Variants in SPECC1 observed in about 807,000 individuals in gnomAD.
SPECC1 encodes the protein cytospin-B.
A neutral mutation model predicts 104.1 loss-of-function variants in SPECC1; 62 were observed. The ratio of observed to expected loss-of-function variants is 0.60; its 90% CI spans 0.49 to 0.74. The LOEUF (loss-of-function observed/expected upper bound fraction) is 0.74. SPECC1 is among the 30% of genes least tolerant of loss of function. SPECC1 has a pLI of 0.00. For synonymous variants in SPECC1, 513 were observed against 501.6 expected (o/e 1.02, Z -0.30); for missense variants, 1,306 against 1,310.5 (o/e 1.00, Z 0.05).
At chr17:20,051,918 G>T (rs752608620) in intron 1 of SPECC1, among the ~76,000 whole-genome samples, 1 of 152,124 alleles carries the variant, frequency 6.6e-6, no homozygotes, top group Admixed American at 6.6e-5. Context: ...CTACATGCAG[G>T]TTGTGTGGCC....
intron 1 of SPECC1, among the ~76,000 whole-genome samples, chr17:20,078,106 AT>A (rs2046832180): frequency 6.6e-6 from 1 of 151,120 alleles, no homozygotes; most frequent in Non-Finnish European, 1.5e-5. Flanking sequence ...AGACATATGT[AT>A]TTTTATAGAG....
chr17:20,039,125 G>A (rs1236076741), intron 1 of SPECC1, among the ~76,000 whole-genome samples: 2 of 152,172 alleles, frequency 1.3e-5, no homozygotes, highest in Non-Finnish European at 2.9e-5. Context: ...CTCTTCCACT[G>A]TCCATCCAAG....
At chr17:20,096,198 C>G (rs886952199) in intron 1 of SPECC1, among the ~76,000 whole-genome samples, 2 of 152,208 alleles carry the variant, frequency 1.3e-5, no homozygotes, top group Non-Finnish European at 2.9e-5. Context: ...TGAATTCTTT[C>G]AAGTAATTCA....
At chr17:20,266,050 T>C (rs2040204812) in intron 12 of SPECC1, among the ~76,000 whole-genome samples, 2 of 152,238 alleles carry the variant, frequency 1.3e-5, no homozygotes, top group Non-Finnish European at 2.9e-5. Context: ...TTGCTTTGGC[T>C]ATTCAGACTC....
At chr17:20,214,713 G>T (rs373314618) in intron 4 of SPECC1, among the ~76,000 whole-genome samples, 1 of 152,216 alleles carries the variant, frequency 6.6e-6, no homozygotes, top group African/African-American at 2.4e-5. Flanking sequence ...TCACCATGTT[G>T]GCCAGGCTGG....
intron 3 of SPECC1, among the ~76,000 whole-genome samples, chr17:20,148,589 C>T (rs1189183596): frequency 1.3e-5 from 2 of 149,160 alleles, no homozygotes; most frequent in Non-Finnish European, 3.0e-5. Flanking sequence ...ATATAAAGGA[C>T]ATCATAATCT....
rs1182654681 is a variant in SPECC1, at chr17:20,253,524, G to A, written c.2618G>A (p.Ser873Asn). ...SPMQRHSTYSSVRPASRGVTQ... is the reference protein window; with the variant it reads ...SPMQRHSTYSNVRPASRGVTQ... ...TTACAGAGGCATTCGACTTACAGCA[G>A]TGTGCGGCCAGCCAGCAGAGGGGTG... The change falls in exon 10 of 15, where the codon AGT becomes AAT. Residue 873 changes from serine to asparagine, a missense_variant. Transcript: ENST00000395527. The A allele has an allele frequency of 6.2e-7, 1 of 1,614,074 alleles. No homozygotes were observed. Among genetic ancestry groups the A allele is most frequent in the Non-Finnish European group, 8.5e-7 (1 of 1,180,032 alleles).
chr17:20,076,110 C>T (rs1463412281), intron 1 of SPECC1, among the ~76,000 whole-genome samples: 1 of 152,114 alleles, frequency 6.6e-6, no homozygotes, highest in Admixed American at 6.5e-5. Flanking sequence ...GAGTATGACC[C>T]TGTTCTAAAA....
chr17:20,279,551 A>G (rs1598131687), intron 12 of SPECC1, among the ~76,000 whole-genome samples: 1 of 151,814 alleles, frequency 6.6e-6, no homozygotes, highest in Admixed American at 6.6e-5. Flanking sequence ...TGAACTCCCG[A>G]CCTCAGGTGA....
intron 13 of SPECC1, among the ~76,000 whole-genome samples, chr17:20,304,872 G>A (rs1314429296): frequency 2.0e-5 from 3 of 152,030 alleles, no homozygotes; most frequent in Admixed American, 6.6e-5. Context: ...GCAGCCACAA[G>A]GAGAATGTTA....
intron 12 of SPECC1, among the ~76,000 whole-genome samples, chr17:20,260,516 C>A (rs990726171): frequency 6.6e-6 from 1 of 152,228 alleles, no homozygotes; most frequent in Non-Finnish European, 1.5e-5. Flanking sequence ...GCACTCCACC[C>A]ACCAAATGTA....
At chr17:20,247,347 C>CTTATGGTT in intron 9 of SPECC1, 28 bp downstream of exon 9, 1 of 1,529,628 alleles carries the variant, frequency 6.5e-7, no homozygotes, top group Non-Finnish European at 9.0e-7. Context: ...ATAACCACTG[C>CTTATGGTT]TTATGGTTTG....
intron 4 of SPECC1, among the ~76,000 whole-genome samples, chr17:20,225,776 A>T (rs1241605271): frequency 6.6e-6 from 1 of 152,154 alleles, no homozygotes; most frequent in Non-Finnish European, 1.5e-5. Context: ...TCTTACGTGG[A>T]TAGCAGTTCC....
intron 1 of SPECC1, among the ~76,000 whole-genome samples, chr17:20,068,766 G>A (rs908070470): frequency 3.3e-5 from 5 of 152,058 alleles, no homozygotes; most frequent in Non-Finnish European, 7.4e-5. Flanking sequence ...TTCTTTTCAC[G>A]TGCTTGTTGG....
intron 1 of SPECC1, among the ~76,000 whole-genome samples, chr17:20,074,144 G>A (rs1353174034): frequency 5.9e-5 from 9 of 152,054 alleles, no homozygotes; most frequent in Admixed American, 5.2e-4. Flanking sequence ...GGAGAGAACC[G>A]CCCACTCGAC....
intron 11 of SPECC1, 118 bp downstream of exon 11, chr17:20,257,725 G>T: frequency 1.5e-6 from 2 of 1,338,084 alleles, no homozygotes; most frequent in Admixed American, 2.3e-5. Flanking sequence ...GCATGAAAAT[G>T]ACTAAGACAC....
rs568038731 is a variant in SPECC1, at chr17:20,205,310, A to G, written c.1261A>G (p.Ile421Val). Reference protein sequence around the residue: ...ENEKLVDEKTILETSFHQHRE... With the variant: ...ENEKLVDEKTVLETSFHQHRE... ...TGAGAAGCTGGTGGATGAAAAGACGATTTTAGAGACATCCTTTCATCAGCA... is the reference window on the plus strand; with the variant it reads ...TGAGAAGCTGGTGGATGAAAAGACGGTTTTAGAGACATCCTTTCATCAGCA... Residue 421 changes from isoleucine to valine, a missense_variant, in exon 4 of 15, where the codon ATT becomes GTT. This residue lies in a region of SPECC1 where 1,177 missense variants were observed against 1,139.9 expected (regional missense o/e 1.03). Transcript: ENST00000395527. The G allele has an allele frequency of 1.9e-6, 3 of 1,614,224 alleles. No individual in the cohort carries two copies. In the South Asian group the frequency reaches 3.3e-5, roughly 18 times the overall value.
At chr17:20,283,640 GTAGTGGCACGATCTTGGCTC>G (rs2040849690) in intron 12 of SPECC1, among the ~76,000 whole-genome samples, 1 of 152,100 alleles carries the variant, frequency 6.6e-6, no homozygotes, top group Admixed American at 6.5e-5. Context: ...TGGCTGGAGT[GTAGTGGCACGATCTTGGCTC>G]ACCTCAACCT....
At chr17:20,227,374 T>A in intron 4 of SPECC1, 39 bp from the exon 5 acceptor site, 1 of 1,582,658 alleles carries the variant, frequency 6.3e-7, no homozygotes, top group Non-Finnish European at 8.6e-7. Flanking sequence ...GGGAATTTTT[T>A]TGTTGTTAAC....
Sources: gnomAD v4.1 joint callset for allele counts (sites outside exome capture counted in the v4.1 genomes callset) on GRCh38, gnomAD v4.1.1 for gene constraint, gnomAD v4.1.1 regional missense constraint, MANE v1.5 for transcripts, NCBI Gene and HGNC (gene_info 2026-07-23, HGNC 2026-07-21) for gene names.